NLRP5: variants seen among roughly 807,000 people sequenced by gnomAD.
NLRP5 encodes the protein NACHT, LRR and PYD domains-containing protein 5.
Under a neutral mutation model 113.1 loss-of-function variants are expected in NLRP5, and 93 were observed. That is an observed-to-expected ratio of 0.82 (90% CI 0.70 to 0.98). The LOEUF is 0.98. Among genes scored for constraint, NLRP5 ranks in the 50% least tolerant of loss-of-function variants. The probability of loss-of-function intolerance (pLI) is 0.00; values close to 1 mark genes in which losing one functional copy is unlikely to be tolerated. For missense variants in NLRP5, 1,808 were observed against 1,514.3 expected, an observed-to-expected ratio of 1.19 and a Z score of -3.22; for synonymous variants, 751 against 600.7, an observed-to-expected ratio of 1.25 and a Z score of -3.66.
intron 2 of NLRP5, among the ~76,000 whole-genome samples, chr19:56,007,437 A>G (rs564358122): frequency 7.9e-5 from 12 of 150,992 alleles, no homozygotes; most frequent in Admixed American, 4.6e-4. Flanking sequence ...TAGAAGGAGT[A>G]AGCTTTAGGC....
chr19:55,990,486 T>G, the NLRP5 span, among the ~76,000 whole-genome samples: 1 of 150,806 alleles, frequency 6.6e-6, no homozygotes, highest in Admixed American at 6.6e-5. Flanking sequence ...AGGTCAGGGG[T>G]TTGAGACCAG....
At chr19:56,005,062 C>T (rs185219276) in intron 2 of NLRP5, among the ~76,000 whole-genome samples, 6,920 of 146,090 alleles carry the variant, frequency 0.047, 253 homozygotes, top group South Asian at 0.08. Context: ...CCACTGCACT[C>T]CAGCCTGGGC....
At chr19:56,041,554 C>T (rs1983523209) in intron 11 of NLRP5, among the ~76,000 whole-genome samples, 2 of 152,220 alleles carry the variant, frequency 1.3e-5, no homozygotes, top group African/African-American at 4.8e-5. Context: ...TGACTCGTGC[C>T]TGACAAAGCC....
intron 10 of NLRP5, 58 bp from the exon 11 acceptor site, chr19:56,040,864 A>C (rs2569425): frequency 6.9e-7 from 1 of 1,439,654 alleles, no homozygotes; most frequent in Non-Finnish European, 9.6e-7. Context: ...AAAGGAGGGA[A>C]AGATGGAACT....
intron 10 of NLRP5, among the ~76,000 whole-genome samples, chr19:56,039,632 G>C (rs929184581): frequency 2.0e-5 from 3 of 152,190 alleles, no homozygotes; most frequent in African/African-American, 7.2e-5. Context: ...TGCTTAAATG[G>C]CCAGGTGTGG....
At chr19:56,056,740 ATTAT>A (rs1279694285) in intron 13 of NLRP5, among the ~76,000 whole-genome samples, 14 of 152,172 alleles carry the variant, frequency 9.2e-5, no homozygotes, top group African/African-American at 3.4e-4. Flanking sequence ...ATGCTTAGAT[ATTAT>A]TTTAGAAGCA....
intron 1 of NLRP5, among the ~76,000 whole-genome samples, chr19:56,001,379 A>G (rs180898136): frequency 6.6e-6 from 1 of 151,556 alleles, no homozygotes. Context: ...TTTAGCTACC[A>G]TGACATTTCT....
chr19:56,033,818 G>C, intron 9 of NLRP5, 109 bp downstream of exon 9: 1 of 896,594 alleles, frequency 1.1e-6, no homozygotes. Flanking sequence ...GAAAAGTTTT[G>C]GTGATGGATG....
At chr19:55,998,174 G>C (rs1272054730), upstream of NLRP5, among the ~76,000 whole-genome samples, 1 of 152,034 alleles carries the variant, frequency 6.6e-6, no homozygotes, top group Non-Finnish European at 1.5e-5. Flanking sequence ...TCTCAGTCCT[G>C]AATTTCAGAC....
intron 5 of NLRP5, among the ~76,000 whole-genome samples, chr19:56,020,160 T>G (rs988975926): frequency 6.6e-6 from 1 of 151,802 alleles, no homozygotes; most frequent in East Asian, 1.9e-4. Flanking sequence ...CTTGTGCAAG[T>G]CTCTTCAAGG....
intron 11 of NLRP5, among the ~76,000 whole-genome samples, chr19:56,043,883 G>A (rs1396389034): frequency 6.6e-6 from 1 of 150,870 alleles, no homozygotes; most frequent in Non-Finnish European, 1.5e-5. Flanking sequence ...GGCCTCTGCT[G>A]ACTATTCTTT....
At chr19:56,054,570 A>G (rs1449116790) in intron 13 of NLRP5, among the ~76,000 whole-genome samples, 8 of 6,310 alleles carry the variant, frequency 1.3e-3, no homozygotes, top group African/African-American at 4.9e-3. Context: ...AAAAAGTGAA[A>G]AAAAAAAAAA....
chr19:56,050,349 A>G, intron 11 of NLRP5, 69 bp from the exon 12 acceptor site: 2 of 1,437,574 alleles, frequency 1.4e-6, no homozygotes, highest in Non-Finnish European at 9.6e-7. Flanking sequence ...GGAGGAGAGC[A>G]GCAGCTCACT....
rs1568487931 is a variant in NLRP5 at position 56,020,363 on chromosome 19, A to G, written c.623-12A>G. The G allele has an allele frequency of 1.2e-6, 2 of 1,606,454 alleles. No individual in the cohort carries two copies. The highest frequency in any genetic ancestry group is 1.7e-6 in the Non-Finnish European group (2 of 1,174,678). On this transcript the variant is annotated splice_polypyrimidine_tract_variant and intron_variant, in intron 5 of 14. Transcript: ENST00000390649. The stretch of plus-strand genomic sequence containing the variant: ...AATAAACACAAGTATGTTGGAATTC[A>G]TTCTTTTGCAGAAATTTCACAAGCT...
At chr19:56,028,716 C>A (rs1982978281) in intron 7 of NLRP5, among the ~76,000 whole-genome samples, 1 of 152,114 alleles carries the variant, frequency 6.6e-6, no homozygotes, top group South Asian at 2.1e-4. Context: ...AATACAGGGC[C>A]CCGCCTAAGA....
rs148720948 is a variant in NLRP5, at chr19:56,031,509, T to C, written c.2277-1102T>C. 1.5e-4 allele frequency among the ~76,000 whole-genome samples: 22 copies of C among 151,362 alleles called. No individual in the cohort carries two copies. The East Asian group carries it at 4.3e-3, about 30-fold the overall frequency. ...AGCCAGGCATGGTGGTGGGCACCTG[T>C]AATCTCAGCTACTTGGGAGGCTGAG... On this transcript the variant is annotated intron_variant, in intron 7 of 14. Transcript: ENST00000390649.
chr19:56,050,285 A>AG (rs1760110499), intron 11 of NLRP5, 133 bp from the exon 12 acceptor site: 2 of 780,296 alleles, frequency 2.6e-6, no homozygotes, highest in South Asian at 1.9e-5. Context: ...TCAAAAAAAA[A>AG]AAAGAAAAAA....
In NLRP5 at chr19:56,039,846, G is replaced by A. The variant is rs573509726; in HGVS notation, c.2787-1076G>A. 1.5e-4 allele frequency among the ~76,000 whole-genome samples: 23 copies of A among 152,250 alleles called. No homozygotes were observed. In the South Asian group the frequency reaches 2.5e-3, roughly 16 times the overall value. On this transcript the variant is annotated intron_variant, in intron 10 of 14. Transcript: ENST00000390649. ...GGAGACTCACTTAAACCCGGGAGGCGTAGGTTGTGGTGAGCCAAGGTCACG... is the reference window on the plus strand; with the variant it reads ...GGAGACTCACTTAAACCCGGGAGGCATAGGTTGTGGTGAGCCAAGGTCACG...
intron 6 of NLRP5, among the ~76,000 whole-genome samples, chr19:56,022,403 G>T (rs1982649082): frequency 8.3e-6 from 1 of 120,032 alleles, no homozygotes; most frequent in Non-Finnish European, 2.0e-5. Flanking sequence ...ATTTGTTATA[G>T]AAAGGAGGGG....
Sources: allele counts gnomAD v4.1 joint callset (sites outside exome capture counted in the v4.1 genomes callset), GRCh38; gene constraint gnomAD v4.1.1; transcripts MANE v1.5; gene names NCBI Gene and HGNC (gene_info 2026-07-23, HGNC 2026-07-21).